Variants in NPRL3 observed in about 807,000 individuals in gnomAD.
The protein encoded by NPRL3 is NPR3 like, GATOR1 complex subunit, also known as GATOR1 complex protein NPRL3.
In NPRL3, 23 loss-of-function variants were observed where a neutral mutation model predicts 57.2. The observed-to-expected ratio is 0.40, with a 90% CI of 0.29 to 0.57. The LOEUF is 0.57. Among genes scored for constraint, NPRL3 ranks in the 20% least tolerant of loss-of-function variants. The probability of loss-of-function intolerance (pLI) is 0.42; values close to 1 mark genes in which losing one functional copy is unlikely to be tolerated. For synonymous variants in NPRL3, 333 were observed against 321.1 expected (o/e 1.04, Z -0.39); for missense variants, 691 against 767.1 (o/e 0.90, Z 1.17).
chr16:100,279 G>A, intron 8 of NPRL3, 93 bp downstream of exon 8: 3 of 1,320,534 alleles, frequency 2.3e-6, no homozygotes, highest in Non-Finnish European at 2.9e-6. Context: ...AAGAAAAAGA[G>A]AAATTTTGGA....
At chr16:86,993 G>T in intron 13 of NPRL3, 123 bp from the exon 14 acceptor site, 2 of 1,014,922 alleles carry the variant, frequency 2.0e-6, no homozygotes, top group Non-Finnish European at 2.8e-6. Context: ...GGTGGTGAAG[G>T]CCAGGGAGGC....
intron 2 of NPRL3, among the ~76,000 whole-genome samples, chr16:136,625 G>A (rs1240793206): frequency 6.6e-6 from 1 of 151,616 alleles, no homozygotes; most frequent in Non-Finnish European, 1.5e-5. Flanking sequence ...GGGGGTCGGA[G>A]GTTGCGGTGA....
chr16:93,564 G>GTT lies in NPRL3; in HGVS notation c.925-241_925-240dup, dbSNP rs34541011. Among the ~76,000 whole-genome samples, 946 of 135,432 alleles carry GTT rather than the reference G, an allele frequency of 7.0e-3. 15 individuals are homozygous for GTT. Among genetic ancestry groups the GTT allele is most frequent in the African/African-American group, 0.024 (869 of 36,168 alleles). The allele number at this position is 135,432 out of a possible 152,430, so 88.8% of individuals were successfully genotyped here. A position where few individuals can be genotyped will look rare whatever the true frequency, so the allele number is the denominator to read the frequency against. On this transcript the variant is annotated intron_variant, in intron 9 of 13. Coordinates refer to ENST00000611875, the MANE Select transcript of NPRL3 (RefSeq NM_001077350.3). Reference sequence around the variant, plus strand: ...CACACAGCACTTTCTGTGAGCAATGGTTTTTTTTTTTTTTTTTTTGGAGAC... The same window carrying GTT: ...CACACAGCACTTTCTGTGAGCAATGGTTTTTTTTTTTTTTTTTTTTTGGAGAC...
At chr16:119,516 T>G (rs1411138642) in intron 3 of NPRL3, 2 of 498,130 alleles carry the variant, frequency 4.0e-6, no homozygotes, top group African/African-American at 1.9e-5. Context: ...GCATGCTCTA[T>G]TAAATTCAGG....
At chr16:90,232 C>T (rs1289041755) in intron 11 of NPRL3, 4 of 315,324 alleles carry the variant, frequency 1.3e-5, no homozygotes, top group South Asian at 4.0e-5. Context: ...AAACCCCCCA[C>T]CCTGTGCTGC....
Position 89,685 on chromosome 16 carries a change from TACCACAGCGGTGCCCTGGG to T in NPRL3, c.1351+9_1351+27del. On this transcript the variant is annotated intron_variant, in intron 12 of 13. Transcript: ENST00000611875. ...GCCACCCCCAAGCGTCTCCCCTGACTACCACAGCGGTGCCCTGGGGGTCCTACTTGGGGAGCCAAAGCTG... is the reference window on the plus strand; with the variant it reads ...GCCACCCCCAAGCGTCTCCCCTGACTGGTCCTACTTGGGGAGCCAAAGCTG... 6.6e-7 allele frequency: 1 copy of T among 1,513,130 alleles called. No homozygotes were observed. The highest frequency in any genetic ancestry group is 8.8e-7 in the Non-Finnish European group (1 of 1,139,726). 93.7% of individuals were successfully genotyped at this position (1,513,130 alleles called of 1,614,324 possible).
intron 5 of NPRL3, among the ~76,000 whole-genome samples, chr16:115,580 G>A (rs1279809189): frequency 6.6e-6 from 1 of 151,558 alleles, no homozygotes; most frequent in Non-Finnish European, 1.5e-5. Flanking sequence ...CCGCCTCCCG[G>A]ATTCAACCGA....
intron 9 of NPRL3, among the ~76,000 whole-genome samples, chr16:94,781 C>T (rs1898916596): frequency 6.6e-6 from 1 of 152,168 alleles, no homozygotes; most frequent in African/African-American, 2.4e-5. Flanking sequence ...CCTGTTCCCT[C>T]ACCCCACGTG....
In NPRL3 at chr16:138,617, GC is replaced by G. The variant is rs35494410; in HGVS notation, c.-68+24del. ...GAGGAGGACAGGGGTGGTGGTGGAC[GC>G]GGAGCAGCGCCACAGTTACCAACCC... On this transcript the variant is annotated intron_variant, in intron 1 of 13. Transcript: ENST00000611875. 1 allele frequency: 72,062 copies of G among 72,352 alleles called. 35,887 individuals are homozygous for G. The highest frequency in any genetic ancestry group is 1 in the East Asian group (2,450 of 2,450). 4.5% of individuals were successfully genotyped at this position (72,352 alleles called of 1,614,324 possible). A position where few individuals can be genotyped will look rare whatever the true frequency, so the allele number is the denominator to read the frequency against.
At chr16:96,640 G>A (rs760456857) in intron 9 of NPRL3, among the ~76,000 whole-genome samples, 208 of 100,098 alleles carry the variant, frequency 2.1e-3, no homozygotes, top group Admixed American at 3.5e-3. Flanking sequence ...GGGAAACCCC[G>A]TCTCTACCAA....
rs1320362811 is a variant in NPRL3, at chr16:86,589, C to G, written c.*116G>C. Reference sequence around the variant, plus strand: ...TGGGCCACGGCCAGCCCGCATCCACCCAATGCCAGGCCTCAGGGCCAAGAG... The same window carrying G: ...TGGGCCACGGCCAGCCCGCATCCACGCAATGCCAGGCCTCAGGGCCAAGAG... On this transcript the variant is annotated 3_prime_UTR_variant, in exon 14 of 14. Transcript: ENST00000611875. The G allele has an allele frequency of 5.5e-6, 6 of 1,091,086 alleles. No homozygotes were observed. The African/African-American group carries it at 7.9e-5, about 14-fold the overall frequency. The allele number at this position is 1,091,086 out of a possible 1,614,324, so 67.6% of individuals were successfully genotyped here. A position where few individuals can be genotyped will look rare whatever the true frequency, so the allele number is the denominator to read the frequency against.
rs756232589 is a variant in NPRL3 at position 86,706 on chromosome 16, CAG to C, written c.1707_1708del (p.Ter570SerfsTer82). The C allele has an allele frequency of 1.7e-5, 26 of 1,552,074 alleles. No homozygotes were observed. The highest frequency in any genetic ancestry group is 3.6e-5 in the South Asian group (3 of 84,258). On this transcript the variant is annotated frameshift_variant and stop_lost, in exon 14 of 14. Coordinates refer to ENST00000611875, the MANE Select transcript of NPRL3 (RefSeq NM_001077350.3). LOFTEE classifies it high-confidence loss of function. The stretch of plus-strand genomic sequence containing the variant: ...CAGCCTTCCGCCCTCCGCCTGGGCT[CAG>C]GGGAGCAGAGCCTGGAAGACGGCAA...
intron 2 of NPRL3, among the ~76,000 whole-genome samples, chr16:133,734 GA>G (rs777383107): frequency 6.6e-6 from 1 of 152,202 alleles, no homozygotes; most frequent in Non-Finnish European, 1.5e-5. Context: ...TGTGCAAGCA[GA>G]CTAGCTTTTG....
In NPRL3 at chr16:138,166, G is replaced by C. The variant is rs757240013; in HGVS notation, c.102C>G (p.His34Gln). ...CTCACTTACTTGTCTGGGACGCCGG[G>C]TGCTCCTGGCTTCTCTGGAAGGGGT... ...FRYPFQRSQE[H>Q]PASQTSKPRS... Residue 34 changes from histidine (H) to glutamine (Q), a missense_variant, in exon 2 of 14, where the codon CAC becomes CAG. By Grantham distance (24) the His-to-Gln change is conservative. Transcript: ENST00000611875. The C allele has an allele frequency of 6.2e-7, 1 of 1,605,556 alleles. No homozygotes were observed. The highest frequency in any genetic ancestry group is 1.3e-5 in the African/African-American group (1 of 74,740).
At chr16:119,331 G>A (rs1450215677) in intron 3 of NPRL3, 76 bp from the exon 4 acceptor site, 23 of 1,449,032 alleles carry the variant, frequency 1.6e-5, no homozygotes, top group Admixed American at 4.0e-5. Flanking sequence ...GCCCCAGAGC[G>A]GAAGGGTCTC....
intron 3 of NPRL3, among the ~76,000 whole-genome samples, chr16:128,439 C>G (rs77897913): frequency 2.0e-5 from 3 of 152,186 alleles, no homozygotes; most frequent in Admixed American, 2.0e-4. Context: ...AACTGAAGCT[C>G]TGGTTTCAGA....
chr16:117,165 G>T (rs1402482323), intron 5 of NPRL3, 136 bp downstream of exon 5: 1 of 612,602 alleles, frequency 1.6e-6, no homozygotes. Context: ...ACAATGAAGT[G>T]CAGTCTGCCT....
In NPRL3 at chr16:112,720, G is replaced by A; in HGVS notation, c.449C>T (p.Ala150Val). ...NCLHNLSRRI[A>V]TVLQHEERRC... ...GCGCTCCTCGTGCTGCAGCACGGTGGCGATACGACGGGACAGGTTATGCAG... is the reference window on the plus strand; with the variant it reads ...GCGCTCCTCGTGCTGCAGCACGGTGACGATACGACGGGACAGGTTATGCAG... Residue 150 changes from alanine (A) to valine (V), a missense_variant, in exon 6 of 14, where the codon GCC becomes GTC. By Grantham distance (64) the Ala-to-Val change is moderately conservative. Coordinates refer to ENST00000611875, the MANE Select transcript of NPRL3 (RefSeq NM_001077350.3). 1.2e-6 allele frequency: 2 copies of A among 1,612,320 alleles called. No homozygotes were observed. Among genetic ancestry groups the A allele is most frequent in the Non-Finnish European group, 1.7e-6 (2 of 1,179,066 alleles).
rs756589112 is a variant in NPRL3 at position 88,759 on chromosome 16, G to A, written c.1483C>T (p.Arg495Cys). Residue 495 changes from arginine (R) to cysteine (C), a missense_variant, in exon 13 of 14, where the codon CGC (arginine) becomes TGC (cysteine). By Grantham distance (180) the Arg-to-Cys change is radical. Transcript: ENST00000611875. Reference sequence around the variant, plus strand: ...GCGGGTACACTGAGGATGGCTGCGCGTTCATGCTCCGACAGGCTGGCCAGC... The same window carrying A: ...GCGGGTACACTGAGGATGGCTGCGCATTCATGCTCCGACAGGCTGGCCAGC... ...NLLASLSEHE[R>C]AAILSVPAAQ... 3.3e-5 allele frequency: 54 copies of A among 1,613,588 alleles called. No individual in the cohort carries two copies. Among genetic ancestry groups the A allele is most frequent in the Non-Finnish European group, 4.0e-5 (47 of 1,179,778 alleles).
Sources: allele counts gnomAD v4.1 joint callset (sites outside exome capture counted in the v4.1 genomes callset), GRCh38; gene constraint gnomAD v4.1.1; transcripts MANE v1.5; gene names NCBI Gene and HGNC (gene_info 2026-07-23, HGNC 2026-07-21).